Variants in FRMD4A observed in about 807,000 individuals in gnomAD.
FRMD4A encodes the protein FERM domain-containing protein 4A.
In FRMD4A, 29 loss-of-function variants were observed where a neutral mutation model predicts 129.1. The observed-to-expected ratio is 0.22, with a 90% CI of 0.17 to 0.31. The LOEUF is 0.31. Among genes scored for constraint, FRMD4A ranks in the 10% least tolerant of loss-of-function variants. The probability of loss-of-function intolerance (pLI) is 1.00; values close to 1 mark genes in which losing one functional copy is unlikely to be tolerated. For missense variants in FRMD4A, 1,272 were observed against 1,375.8 expected (o/e 0.92, Z 1.19); for synonymous variants, 634 against 571.6 (o/e 1.11, Z -1.56).
chr10:13,894,301 C>T (rs943293322), intron 2 of FRMD4A, among the ~76,000 whole-genome samples: 6 of 152,248 alleles, frequency 3.9e-5, no homozygotes, highest in Admixed American at 3.9e-4. Context: ...GATCCCGTAA[C>T]TTTCGCTAAA....
chr10:13,835,663 C>G (rs2093862024), intron 3 of FRMD4A, among the ~76,000 whole-genome samples: 3 of 152,298 alleles, frequency 2.0e-5, no homozygotes, highest in South Asian at 4.1e-4. Context: ...GATGATGTGT[C>G]ACTGTCTCCC....
chr10:14,066,507 T>C (rs1484765309), intron 2 of FRMD4A, among the ~76,000 whole-genome samples: 1 of 152,086 alleles, frequency 6.6e-6, no homozygotes, highest in East Asian at 1.9e-4. Context: ...TGTGAAGTTG[T>C]ATGTGTGTGT....
chr10:13,832,832 G>T (rs1283305793), intron 3 of FRMD4A, among the ~76,000 whole-genome samples: 1 of 152,108 alleles, frequency 6.6e-6, no homozygotes, highest in East Asian at 1.9e-4. Context: ...TAGAGACAGG[G>T]TCTTGCTATG....
chr10:13,649,855 TA>T (rs2081405178), intron 24 of FRMD4A, among the ~76,000 whole-genome samples: 1 of 152,204 alleles, frequency 6.6e-6, no homozygotes, highest in South Asian at 2.1e-4. Context: ...GGCCACTAAA[TA>T]GTTGCCCTAG....
At chr10:13,936,004 C>A (rs1201135063) in intron 2 of FRMD4A, among the ~76,000 whole-genome samples, 1 of 152,194 alleles carries the variant, frequency 6.6e-6, no homozygotes, top group Non-Finnish European at 1.5e-5. Context: ...ATGTGTTTGG[C>A]ACAAGAGGGA....
At chr10:14,179,496 C>G (rs1475664356) in intron 2 of FRMD4A, among the ~76,000 whole-genome samples, 2 of 152,108 alleles carry the variant, frequency 1.3e-5, no homozygotes, top group Admixed American at 1.3e-4. Flanking sequence ...TTTCTCTCTG[C>G]CTCAACCCTC....
chr10:14,212,869 A>G lies in FRMD4A; in HGVS notation c.45+117189T>C, dbSNP rs1842970298. On this transcript the variant is annotated intron_variant, in intron 2 of 24. Coordinates refer to ENST00000357447, the MANE Select transcript of FRMD4A (RefSeq NM_018027.5). The stretch of plus-strand genomic sequence containing the variant: ...TTAATTCTGCTGCCATGAAGAAGAA[A>G]GTGGAGTAGATTTCCCTCAAGGGTG... 2.0e-5 allele frequency among the ~76,000 whole-genome samples: 3 copies of G among 152,214 alleles called. No homozygotes were observed. In the South Asian group the frequency reaches 6.2e-4, roughly 31 times the overall value.
intron 2 of FRMD4A, among the ~76,000 whole-genome samples, chr10:14,174,796 T>C (rs1841645366): frequency 6.6e-6 from 1 of 152,104 alleles, no homozygotes; most frequent in Non-Finnish European, 1.5e-5. Flanking sequence ...AACTGTAGCC[T>C]CTTTTTAGAG....
intron 2 of FRMD4A, among the ~76,000 whole-genome samples, chr10:13,981,017 C>T (rs1244372506): frequency 6.6e-6 from 1 of 152,122 alleles, no homozygotes. Flanking sequence ...TAGTGAGTTG[C>T]CTAGACTACT....
intron 2 of FRMD4A, among the ~76,000 whole-genome samples, chr10:14,155,474 G>A (rs1396955466): frequency 1.3e-5 from 2 of 152,090 alleles, no homozygotes; most frequent in Non-Finnish European, 2.9e-5. Context: ...AAACTCCAGG[G>A]CTTAGCGTCT....
At chr10:13,667,492 A>G (rs1287686712) in intron 17 of FRMD4A, 1 of 152,298 alleles carries the variant, frequency 6.6e-6, no homozygotes, top group Non-Finnish European at 1.5e-5. Flanking sequence ...GTGGCTGTCA[A>G]AAATGCCTGG....
intron 2 of FRMD4A, among the ~76,000 whole-genome samples, chr10:14,202,124 C>T (rs1228592100): frequency 7.8e-6 from 1 of 128,708 alleles, no homozygotes; most frequent in African/African-American, 2.8e-5. Flanking sequence ...GGCCACAGAG[C>T]AAGAATCCGT....
chr10:13,701,441 T>C lies in FRMD4A; in HGVS notation c.874A>G (p.Ile292Val). The C allele has an allele frequency of 1.2e-6, 2 of 1,613,746 alleles. No individual in the cohort carries two copies. Among genetic ancestry groups the C allele is most frequent in the Non-Finnish European group, 1.7e-6 (2 of 1,179,646 alleles). Reference protein sequence around the residue: ...VTRRTFGHSGIAVHTWYACPA... With the variant: ...VTRRTFGHSGVAVHTWYACPA... ...CATGCATACCACGTGTGCACTGCAATGCCGCTGTGCCCAAACGTCCTCCTT... is the reference window on the plus strand; with the variant it reads ...CATGCATACCACGTGTGCACTGCAACGCCGCTGTGCCCAAACGTCCTCCTT... The change falls in exon 14 of 25, where the codon ATT (isoleucine) becomes GTT (valine). Residue 292 changes from isoleucine (I) to valine (V), a missense_variant. Physicochemically the swap from Ile to Val is conservative, Grantham distance 29. This residue lies in a region of FRMD4A where 300 missense variants were observed against 483.6 expected (regional missense o/e 0.62). Coordinates refer to ENST00000357447, the MANE Select transcript of FRMD4A (RefSeq NM_018027.5).
chr10:13,795,254 A>G (rs1209439597), intron 5 of FRMD4A, among the ~76,000 whole-genome samples: 1 of 152,268 alleles, frequency 6.6e-6, no homozygotes, highest in African/African-American at 2.4e-5. Context: ...GCTTTGCCAT[A>G]AATCTGAGAA....
At chr10:13,952,403 A>G (rs1397656479) in intron 2 of FRMD4A, among the ~76,000 whole-genome samples, 1 of 152,074 alleles carries the variant, frequency 6.6e-6, no homozygotes. Context: ...TGGGAGGCTG[A>G]GGATGGAGGA....
chr10:14,051,872 G>A (rs923437628), intron 2 of FRMD4A, among the ~76,000 whole-genome samples: 3 of 152,242 alleles, frequency 2.0e-5, no homozygotes, highest in Non-Finnish European at 4.4e-5. Flanking sequence ...CATTTGCATG[G>A]CATCCTGAAT....
intron 2 of FRMD4A, among the ~76,000 whole-genome samples, chr10:13,933,788 T>C (rs1217249479): frequency 6.6e-6 from 1 of 152,114 alleles, no homozygotes; most frequent in Non-Finnish European, 1.5e-5. Context: ...GGGACACAGA[T>C]AGAAAGGAAG....
intron 2 of FRMD4A, among the ~76,000 whole-genome samples, chr10:13,912,484 A>G (rs928299117): frequency 6.6e-6 from 1 of 151,894 alleles, no homozygotes; most frequent in African/African-American, 2.4e-5. Context: ...CCGCTGATGA[A>G]CAGATAAGCA....
chr10:14,086,035 C>T (rs1455567952), intron 2 of FRMD4A, among the ~76,000 whole-genome samples: 1 of 152,106 alleles, frequency 6.6e-6, no homozygotes, highest in Non-Finnish European at 1.5e-5. Context: ...TGTTTCCTAT[C>T]TAAAGGCATA....
Sources: gnomAD v4.1 joint callset for allele counts (sites outside exome capture counted in the v4.1 genomes callset) on GRCh38, gnomAD v4.1.1 for gene constraint, gnomAD v4.1.1 regional missense constraint, MANE v1.5 for transcripts, NCBI Gene and HGNC (gene_info 2026-07-23, HGNC 2026-07-21) for gene names.